The following DNAH11 variants were observed in gnomAD, a reference collection of about 807,000 sequenced individuals.
DNAH11 encodes the protein axonemal beta dynein heavy chain 11.
A neutral mutation model predicts 526.0 loss-of-function variants in DNAH11; 442 were observed. That is an observed-to-expected ratio of 0.84 (90% CI 0.78 to 0.91). The LOEUF (loss-of-function observed/expected upper bound fraction) is 0.91, where lower values mean the gene tolerates loss of function less well. Among genes scored for constraint, DNAH11 ranks in the 40% least tolerant of loss-of-function variants. The pLI is 0.00. For synonymous variants in DNAH11, 2,461 were observed against 1,935.9 expected, an observed-to-expected ratio of 1.27 and a Z score of -7.12; for missense variants, 6,989 against 5,448.7, an observed-to-expected ratio of 1.28 and a Z score of -8.90.
chr7:21,756,671 G>T (rs1697748641), intron 54 of DNAH11, among the ~76,000 whole-genome samples: 1 of 152,002 alleles, frequency 6.6e-6, no homozygotes, highest in African/African-American at 2.4e-5. Context: ...TTTCTTGATA[G>T]TGTGAGTTCT....
intron 66 of DNAH11, chr7:21,851,665 A>C (rs1270288762): frequency 6.4e-6 from 3 of 471,114 alleles, no homozygotes; most frequent in South Asian, 4.6e-5. Context: ...AAGTGTAGAG[A>C]CTACGAAGAC....
At chr7:21,731,634 C>T (rs760321198) in intron 45 of DNAH11, among the ~76,000 whole-genome samples, 15 of 152,188 alleles carry the variant, frequency 9.9e-5, no homozygotes, top group Non-Finnish European at 1.9e-4. Flanking sequence ...CCTCACTTAT[C>T]CATGGCTTTG....
At chr7:21,597,814 C>G (rs1238217077) in intron 14 of DNAH11, among the ~76,000 whole-genome samples, 1 of 152,176 alleles carries the variant, frequency 6.6e-6, no homozygotes, top group African/African-American at 2.4e-5. Context: ...AAGATGGTCT[C>G]TAAGGATTTT....
chr7:21,770,645 A>G (rs1231166068), intron 55 of DNAH11, among the ~76,000 whole-genome samples: 3 of 152,220 alleles, frequency 2.0e-5, no homozygotes, highest in Admixed American at 1.3e-4. Context: ...CAGAGCCCAT[A>G]GTCTTAAATC....
chr7:21,640,861 C>T (rs919265695), intron 28 of DNAH11, among the ~76,000 whole-genome samples: 10 of 152,136 alleles, frequency 6.6e-5, no homozygotes, highest in African/African-American at 2.4e-4. Context: ...TCCCCCGTCT[C>T]TGTCCATTTA....
intron 30 of DNAH11, among the ~76,000 whole-genome samples, chr7:21,667,080 A>G (rs1782450090): frequency 1.3e-5 from 2 of 152,154 alleles, no homozygotes; most frequent in Admixed American, 6.6e-5. Context: ...CAGATAAATT[A>G]TGAACTCACC....
At chr7:21,790,639 A>T (rs1204951512) in intron 61 of DNAH11, among the ~76,000 whole-genome samples, 1 of 152,164 alleles carries the variant, frequency 6.6e-6, no homozygotes, top group Non-Finnish European at 1.5e-5. Context: ...GTGAAGGTGG[A>T]TCGACATGGG....
intron 76 of DNAH11, among the ~76,000 whole-genome samples, chr7:21,890,117 C>T (rs1428426748): frequency 6.6e-6 from 1 of 152,128 alleles, no homozygotes; most frequent in Admixed American, 6.5e-5. Context: ...ATTCTTATGG[C>T]CACAACCATT....
rs773341227 is a variant in DNAH11 at position 21,545,152 on chromosome 7, A to C, written c.495+3A>C. The C allele has an allele frequency of 6.2e-7, 1 of 1,606,926 alleles. No homozygotes were observed. The highest frequency in any genetic ancestry group is 8.5e-7 in the Non-Finnish European group (1 of 1,176,402). Reference sequence around the variant, plus strand: ...ATGTATCTGCTTTCCTTGATGAGGTACTGGTCTGTCTTTAATATTTAAAGC... The same window carrying C: ...ATGTATCTGCTTTCCTTGATGAGGTCCTGGTCTGTCTTTAATATTTAAAGC... On this transcript the variant is annotated splice_donor_region_variant and intron_variant, in intron 2 of 81. Coordinates refer to ENST00000409508, the MANE Select transcript of DNAH11 (RefSeq NM_001277115.2).
At chr7:21,899,848 C>T (rs943965300) in intron 80 of DNAH11, 132 bp from the exon 81 acceptor site, 44 of 1,109,182 alleles carry the variant, frequency 4.0e-5, no homozygotes, top group Middle Eastern at 5.7e-4. Context: ...CCTGCTCCAG[C>T]GCAGCCATGT....
In DNAH11 at chr7:21,748,614, G is replaced by A; in HGVS notation, c.8545G>A (p.Gly2849Ser). Residue 2849 changes from glycine to serine, a missense_variant, in exon 52 of 82, where the codon GGC becomes AGC. Gly to Ser is a moderately conservative substitution (Grantham distance 56, BLOSUM62 0). Coordinates refer to ENST00000409508, the MANE Select transcript of DNAH11 (RefSeq NM_001277115.2). Reference protein sequence around the residue: ...RISRILRTPQGCALLVGVGGS... With the variant: ...RISRILRTPQSCALLVGVGGS... ...CAGCCGGATCTTACGAACCCCTCAG[G>A]GCTGTGCTCTCTTGGTTGGAGTTGG... 1 of 1,609,994 alleles carries A rather than the reference G, an allele frequency of 6.2e-7. No homozygotes were observed. Among genetic ancestry groups the A allele is most frequent in the Non-Finnish European group, 8.5e-7 (1 of 1,177,686 alleles).
At chr7:21,811,302 A>G (rs554818026) in intron 63 of DNAH11, among the ~76,000 whole-genome samples, 1 of 151,640 alleles carries the variant, frequency 6.6e-6, no homozygotes, top group Non-Finnish European at 1.5e-5. Context: ...CCCCCCTACT[A>G]AAAATTAGCC....
intron 20 of DNAH11, among the ~76,000 whole-genome samples, chr7:21,612,151 A>G (rs1218010617): frequency 2.0e-5 from 3 of 152,234 alleles, no homozygotes; most frequent in African/African-American, 7.2e-5. Context: ...ATAATTTACC[A>G]AAACTGTCTC....
intron 74 of DNAH11, among the ~76,000 whole-genome samples, chr7:21,879,898 A>T (rs550977918): frequency 1.3e-5 from 2 of 152,114 alleles, no homozygotes; most frequent in Non-Finnish European, 2.9e-5. Flanking sequence ...CAGCCTGGCC[A>T]ATGTGGCAAA....
At position 21,588,060 on chromosome 7, in the gene DNAH11, A is replaced by T. The variant is rs372207653; in HGVS notation, c.1711-4A>T. 9.3e-6 allele frequency: 15 copies of T among 1,612,344 alleles called. No homozygotes were observed. The African/African-American group carries it at 2.0e-4, about 22-fold the overall frequency. On this transcript the variant is annotated splice_region_variant and splice_polypyrimidine_tract_variant and intron_variant, in intron 9 of 81. Coordinates refer to ENST00000409508, the MANE Select transcript of DNAH11 (RefSeq NM_001277115.2). ...TAATGTTGCCTTCACTTTGATTTTT[A>T]TAGCTTTTGACCATATTTGGAAATT...
rs535128234 is a variant in DNAH11, at chr7:21,572,061, C to G, written c.1593+88C>G. 14 of 1,164,386 alleles carry G rather than the reference C, an allele frequency of 1.2e-5. No individual in the cohort carries two copies. In the African/African-American group the frequency reaches 1.9e-4, roughly 16 times the overall value. The allele number at this position is 1,164,386 out of a possible 1,614,324, so 72.1% of individuals were successfully genotyped here. ...GATAGGTCACAGTGATAATAGGGAC[C>G]ATCCATTCCAATATCTCTAGGACCA... On this transcript the variant is annotated intron_variant, in intron 8 of 81. Transcript: ENST00000409508.
chr7:21,865,932 T>C (rs1282681397), intron 70 of DNAH11, among the ~76,000 whole-genome samples: 1 of 152,190 alleles, frequency 6.6e-6, no homozygotes, highest in Non-Finnish European at 1.5e-5. Flanking sequence ...ATTTGTAAAC[T>C]GTATGGCACT....
chr7:21,728,237 CTTTTTTTTTTTTTTTTTTTTTTTTTTT>C (rs71026816), intron 45 of DNAH11, among the ~76,000 whole-genome samples: 3 of 58,870 alleles, frequency 5.1e-5, no homozygotes, highest in Admixed American at 2.6e-4. Flanking sequence ...GCCCACAATT[CTTTTTTTTTTTTTTTTTTTTTTTTTTT>C]TTTTTTTTTT....
At chr7:21,588,482 C>A in intron 10 of DNAH11, 30 bp from the exon 11 acceptor site, 4 of 1,611,430 alleles carry the variant, frequency 2.5e-6, no homozygotes, top group Non-Finnish European at 2.5e-6. Flanking sequence ...TGTTCCCTTT[C>A]TTCCTCTTCA....
Sources: allele counts gnomAD v4.1 joint callset (sites outside exome capture counted in the v4.1 genomes callset), GRCh38; gene constraint gnomAD v4.1.1; transcripts MANE v1.5; gene names NCBI Gene and HGNC (gene_info 2026-07-23, HGNC 2026-07-21).